ATL1: variants seen among roughly 807,000 people sequenced by gnomAD.
ATL1 encodes atlastin-1.
Under a neutral mutation model 75.5 loss-of-function variants are expected in ATL1, and 31 were observed. That is an observed-to-expected ratio of 0.41 (90% CI 0.31 to 0.55). The LOEUF is 0.55. Among genes scored for constraint, ATL1 ranks in the 20% least tolerant of loss-of-function variants. The pLI, the probability that ATL1 is intolerant of heterozygous loss-of-function variation, is 0.27. For synonymous variants in ATL1, 226 were observed against 233.3 expected (o/e 0.97, Z 0.28); for missense variants, 405 against 662.6 (o/e 0.61, Z 4.27).
intron 6 of ATL1, 24 bp from the exon 7 acceptor site, chr14:50,613,235 C>A: frequency 6.3e-7 from 1 of 1,576,682 alleles, no homozygotes; most frequent in South Asian, 1.1e-5. Flanking sequence ...GTCCTCATAT[C>A]AATCCTTTCT....
intron 1 of ATL1, among the ~76,000 whole-genome samples, chr14:50,561,686 G>C (rs917234240): frequency 2.6e-5 from 4 of 152,152 alleles, no homozygotes; most frequent in Non-Finnish European, 5.9e-5. Flanking sequence ...GAGTTGGAGC[G>C]GGGAGGTCTG....
At chr14:50,584,882 T>C (rs1595596241) in intron 1 of ATL1, among the ~76,000 whole-genome samples, 1 of 152,022 alleles carries the variant, frequency 6.6e-6, no homozygotes. Flanking sequence ...TTTTCATCAA[T>C]TATAGCTTAA....
chr14:50,605,673 TA>T (rs1317477878), intron 6 of ATL1, among the ~76,000 whole-genome samples: 1 of 152,070 alleles, frequency 6.6e-6, no homozygotes, highest in Non-Finnish European at 1.5e-5. Flanking sequence ...ACTAAATTGT[TA>T]AAATGTATTA....
chr14:50,552,022 C>T (rs1232198814), intron 1 of ATL1, among the ~76,000 whole-genome samples: 1 of 152,000 alleles, frequency 6.6e-6, no homozygotes, highest in Non-Finnish European at 1.5e-5. Context: ...AGCAGTCAGA[C>T]AAAAGAAAGA....
At position 50,631,100 on chromosome 14, in the gene ATL1, A is replaced by C. The variant is rs187520800; in HGVS notation, c.1566+1091A>C. On this transcript the variant is annotated intron_variant, in intron 13 of 13. Coordinates refer to ENST00000358385, the MANE Select transcript of ATL1 (RefSeq NM_015915.5). Reference sequence around the variant, plus strand: ...ATGGTGAGGCCCCATCTCTACTAAAAATACAAAAAATTAGCCAGGTGTGGT... The same window carrying C: ...ATGGTGAGGCCCCATCTCTACTAAACATACAAAAAATTAGCCAGGTGTGGT... 17 of 285,352 alleles carry C rather than the reference A, an allele frequency of 6.0e-5. No individual in the cohort carries two copies. In the East Asian group the frequency reaches 1.6e-3, roughly 27 times the overall value. 17.7% of individuals were successfully genotyped at this position (285,352 alleles called of 1,614,324 possible).
intron 13 of ATL1, chr14:50,630,986 C>T (rs149097429): frequency 2.0e-4 from 93 of 454,678 alleles, no homozygotes; most frequent in African/African-American, 1.7e-3. Flanking sequence ...AGGCCAGGCG[C>T]GGTGGCTCAC....
rs1160362872 is a variant in ATL1 at position 50,566,894 on chromosome 14, A to T, written c.34+6595A>T. On this transcript the variant is annotated intron_variant, in intron 1 of 13. Coordinates refer to ENST00000358385, the MANE Select transcript of ATL1 (RefSeq NM_015915.5). The stretch of plus-strand genomic sequence containing the variant: ...TCTTCTCTTACCTCAAAGTTATAAA[A>T]TCGTCTTCTATATTATCTGGTTTTA... Among the ~76,000 whole-genome samples the T allele has an allele frequency of 2.0e-5, 3 of 152,134 alleles. No homozygotes were observed. The East Asian group carries it at 5.8e-4, about 29-fold the overall frequency.
intron 8 of ATL1, among the ~76,000 whole-genome samples, chr14:50,618,134 A>T (rs913021377): frequency 2.6e-5 from 4 of 152,204 alleles, no homozygotes; most frequent in Admixed American, 6.5e-5. Context: ...TCTGAAAGTG[A>T]TTTTAAAGTG....
At chr14:50,570,301 T>A (rs903313440) in intron 1 of ATL1, among the ~76,000 whole-genome samples, 1 of 151,830 alleles carries the variant, frequency 6.6e-6, no homozygotes, top group Non-Finnish European at 1.5e-5. Context: ...AGTTTGCTGA[T>A]TTTTTTTGTC....
intron 8 of ATL1, among the ~76,000 whole-genome samples, chr14:50,617,997 A>G (rs1466186250): frequency 6.6e-6 from 1 of 152,234 alleles, no homozygotes; most frequent in Non-Finnish European, 1.5e-5. Flanking sequence ...ATCCAAATGT[A>G]TGGTTAGATG....
intron 1 of ATL1, among the ~76,000 whole-genome samples, chr14:50,564,006 G>A (rs370403368): frequency 1.1e-4 from 17 of 152,146 alleles, no homozygotes; most frequent in East Asian, 7.7e-4. Context: ...CAGTCCATGC[G>A]ATGAGGACAA....
intron 1 of ATL1, among the ~76,000 whole-genome samples, chr14:50,569,530 TA>T (rs2140183818): frequency 6.6e-6 from 1 of 152,304 alleles, no homozygotes; most frequent in African/African-American, 2.4e-5. Flanking sequence ...CAGTTTTTTT[TA>T]AAAGTATTAG....
chr14:50,587,696 A>C, intron 1 of ATL1, 135 bp from the exon 2 acceptor site: 6 of 1,245,974 alleles, frequency 4.8e-6, no homozygotes, highest in Non-Finnish European at 6.9e-6. Flanking sequence ...GGCATGAGCC[A>C]CTGCACCCAG....
chr14:50,629,883 A>ATCTT, intron 12 of ATL1, 112 bp from the exon 13 acceptor site: 1 of 348,644 alleles, frequency 2.9e-6, no homozygotes, highest in Non-Finnish European at 4.5e-6. Flanking sequence ...CTGCAGGAGT[A>ATCTT]TCTGTTCTGA....
At chr14:50,586,862 T>C (rs2039106760) in intron 1 of ATL1, among the ~76,000 whole-genome samples, 1 of 152,168 alleles carries the variant, frequency 6.6e-6, no homozygotes, top group Admixed American at 6.5e-5. Context: ...AGATTCTTAA[T>C]TTTCTCATGT....
At chr14:50,575,564 C>G (rs1207460878) in intron 1 of ATL1, among the ~76,000 whole-genome samples, 1 of 152,098 alleles carries the variant, frequency 6.6e-6, no homozygotes, top group East Asian at 1.9e-4. Context: ...TTCATTCACA[C>G]AATGTTTTTG....
At chr14:50,578,778 G>A (rs1566720140) in intron 1 of ATL1, among the ~76,000 whole-genome samples, 1 of 152,034 alleles carries the variant, frequency 6.6e-6, no homozygotes, top group Non-Finnish European at 1.5e-5. Context: ...ATTGTTTCTG[G>A]TGTTTTGCAT....
upstream of ATL1, among the ~76,000 whole-genome samples, chr14:50,556,186 A>G (rs1471241419): frequency 6.6e-6 from 1 of 152,188 alleles, no homozygotes; most frequent in Non-Finnish European, 1.5e-5. Context: ...TTCACATACC[A>G]TAAAATTCAC....
chr14:50,543,404 G>A (rs947547178), intron 1 of ATL1, among the ~76,000 whole-genome samples: 3 of 152,194 alleles, frequency 2.0e-5, no homozygotes, highest in African/African-American at 7.2e-5. Context: ...ACATATTCTA[G>A]GTAGAGGTTT....
Sources: allele counts gnomAD v4.1 joint callset (sites outside exome capture counted in the v4.1 genomes callset), GRCh38; gene constraint gnomAD v4.1.1; transcripts MANE v1.5; gene names NCBI Gene and HGNC (gene_info 2026-07-23, HGNC 2026-07-21).